Variants in PPP1R14A observed in about 807,000 individuals in gnomAD.
The protein encoded by PPP1R14A is protein phosphatase 1 regulatory inhibitor subunit 14A.
Under a neutral mutation model 14.1 loss-of-function variants are expected in PPP1R14A, and 9 were observed. That is an observed-to-expected ratio of 0.64 (90% CI 0.38 to 1.11). PPP1R14A has a LOEUF of 1.11. Ranked by LOEUF, PPP1R14A falls within the 50% of genes most tolerant of loss-of-function variation. The probability of loss-of-function intolerance (pLI) is 0.01; values close to 1 mark genes in which losing one functional copy is unlikely to be tolerated. For missense variants in PPP1R14A, 208 were observed against 200.7 expected (o/e 1.04, Z -0.22); for synonymous variants, 93 against 88.7 (o/e 1.05, Z -0.27).
rs1242214352 is a variant in PPP1R14A, at chr19:38,256,194, C to A, written c.146G>T (p.Arg49Leu). ...VKYDRRELQR[R>L]LDVEKWIDGR... ...GTCGATCCACTTCTCCACGTCCAGC[C>A]GCCGCTGCAGCTCCCGCCGGTCATA... Residue 49 changes from arginine to leucine, a missense_variant, in exon 1 of 4, where the codon CGG becomes CTG. Coordinates refer to ENST00000301242, the MANE Select transcript of PPP1R14A (RefSeq NM_033256.3). This position sits in a 1 kb window ranked among gnomAD's most constrained non-coding sequence, Gnocchi z 5.7. 8.4e-6 allele frequency: 13 copies of A among 1,549,426 alleles called. No individual in the cohort carries two copies. Among genetic ancestry groups the A allele is most frequent in the Non-Finnish European group, 1.1e-5 (13 of 1,151,422 alleles).
At chr19:38,254,465 C>T (rs762492130) in intron 1 of PPP1R14A, among the ~76,000 whole-genome samples, 6 of 151,856 alleles carry the variant, frequency 4.0e-5, no homozygotes, top group Admixed American at 6.6e-5. Context: ...CCACCATGCC[C>T]GGCTAATTTT....
chr19:38,254,675 T>C (rs117600913), intron 1 of PPP1R14A, among the ~76,000 whole-genome samples: 3,788 of 152,198 alleles, frequency 0.025, 62 homozygotes, highest in Non-Finnish European at 0.035. Context: ...GAAACTCAAG[T>C]GATGAAGTAC....
chr19:38,254,512 C>G (rs953584836), intron 1 of PPP1R14A, among the ~76,000 whole-genome samples: 1 of 152,016 alleles, frequency 6.6e-6, no homozygotes, highest in Non-Finnish European at 1.5e-5. Context: ...ACCATGTTGG[C>G]CAGGCTAGTC....
rs545432774 is a variant in PPP1R14A at position 38,256,145 on chromosome 19, G to C, written c.195C>G (p.Arg65=). 227 of 1,544,590 alleles carry C rather than the reference G, an allele frequency of 1.5e-4. 1 individual carries two copies. Among genetic ancestry groups the C allele is most frequent in the Non-Finnish European group, 7.8e-5 (90 of 1,150,402 alleles). Residue 65 remains arginine (R), a synonymous_variant, in exon 1 of 4, where the codon CGC becomes CGG. Transcript: ENST00000301242. The surrounding 1 kb of genome is among the most constrained non-coding windows in gnomAD (Gnocchi z 5.7). Reference sequence around the variant, plus strand: ...GAGCCCTCCCCGGGCTCACCATGCCGCGGTACAGCTCCTCCAGGCGCCCGT... The same window carrying C: ...GAGCCCTCCCCGGGCTCACCATGCCCCGGTACAGCTCCTCCAGGCGCCCGT... The part of the protein sequence containing the change: ...WIDGRLEELY[R]GMEADMPDEI...
rs1316211840 is a variant in PPP1R14A at position 38,252,461 on chromosome 19, A to G, written c.283-123T>C. On this transcript the variant is annotated intron_variant, in intron 2 of 3. Coordinates refer to ENST00000301242, the MANE Select transcript of PPP1R14A (RefSeq NM_033256.3). The surrounding 1 kb of genome is among the most constrained non-coding windows in gnomAD (Gnocchi z 4.1). ...AAATGGAAGTCAGACTCCAGGGTGG[A>G]CTGCCCACCAAGCTTCAAGAGAGGA... 2.1e-6 allele frequency: 2 copies of G among 959,536 alleles called. No homozygotes were observed. Among genetic ancestry groups the G allele is most frequent in the East Asian group, 2.6e-5 (1 of 38,568 alleles). The allele number at this position is 959,536 out of a possible 1,614,324, so 59.4% of individuals were successfully genotyped here.
Position 38,256,120 on chromosome 19 carries a change from G to C in PPP1R14A, c.201+19C>G, listed in dbSNP as rs1195859785. The C allele has an allele frequency of 6.5e-7, 1 of 1,532,962 alleles. No homozygotes were observed. Among genetic ancestry groups the C allele is most frequent in the East Asian group, 2.5e-5 (1 of 40,494 alleles). 95.0% of individuals were successfully genotyped at this position (1,532,962 alleles called of 1,614,324 possible). A position where few individuals can be genotyped will look rare whatever the true frequency, so the allele number is the denominator to read the frequency against. ...GCTCTATCTGTCCCCGACCACCCCC[G>C]AGCCCTCCCCGGGCTCACCATGCCG... On this transcript the variant is annotated intron_variant, in intron 1 of 3. Coordinates refer to ENST00000301242, the MANE Select transcript of PPP1R14A (RefSeq NM_033256.3). This position sits in a 1 kb window ranked among gnomAD's most constrained non-coding sequence, Gnocchi z 5.7.
intron 1 of PPP1R14A, chr19:38,253,258 T>C: frequency 2.6e-6 from 1 of 379,686 alleles, no homozygotes; most frequent in Non-Finnish European, 4.8e-6. Context: ...TTGGCTCTAG[T>C]TCCCACAGAG....
Position 38,252,795 on chromosome 19 carries a change from GC to G in PPP1R14A, c.282+98del. The G allele has an allele frequency of 1.1e-6, 1 of 893,656 alleles. No homozygotes were observed. The highest frequency in any genetic ancestry group is 1.9e-6 in the Non-Finnish European group (1 of 532,710). 55.4% of individuals were successfully genotyped at this position (893,656 alleles called of 1,614,324 possible). A position where few individuals can be genotyped will look rare whatever the true frequency, so the allele number is the denominator to read the frequency against. On this transcript the variant is annotated intron_variant, in intron 2 of 3. Coordinates refer to ENST00000301242, the MANE Select transcript of PPP1R14A (RefSeq NM_033256.3). This position sits in a 1 kb window ranked among gnomAD's most constrained non-coding sequence, Gnocchi z 4.1. ...ATACATGTAAAGCCATCACACCAGT[GC>G]CCGGCATCTAGTGAGCACTCAGTAA...
Position 38,252,432 on chromosome 19 carries a change from A to C in PPP1R14A, c.283-94T>G. ...CCTTTCCCAAAAGGCCCCAGCAGCA[A>C]GACAAATGGAAGTCAGACTCCAGGG... On this transcript the variant is annotated intron_variant, in intron 2 of 3. Transcript: ENST00000301242. This position sits in a 1 kb window ranked among gnomAD's most constrained non-coding sequence, Gnocchi z 4.1. 5.5e-6 allele frequency: 7 copies of C among 1,277,454 alleles called. No homozygotes were observed. The highest frequency in any genetic ancestry group is 7.8e-6 in the Non-Finnish European group (7 of 897,618). The allele number at this position is 1,277,454 out of a possible 1,614,324, so 79.1% of individuals were successfully genotyped here.
intron 1 of PPP1R14A, among the ~76,000 whole-genome samples, chr19:38,254,815 C>A (rs866032545): frequency 6.6e-6 from 1 of 152,000 alleles, no homozygotes; most frequent in Non-Finnish European, 1.5e-5. Flanking sequence ...GTTTTTGAGA[C>A]GGAGTTTCGC....
chr19:38,255,992 G>A (rs1968243461), intron 1 of PPP1R14A, 147 bp downstream of exon 1: 2 of 685,072 alleles, frequency 2.9e-6, no homozygotes, highest in Admixed American at 3.2e-5. Flanking sequence ...CCAGGCCAAT[G>A]AGTGCCCGGC....
chr19:38,256,230 A>G lies in PPP1R14A; in HGVS notation c.110T>C (p.Val37Ala). ...CTCCCGCCGGTCATACTTGACGGTGACGCGCGCGTGCCGCTTCTGCAGCCC... is the reference window on the plus strand; with the variant it reads ...CTCCCGCCGGTCATACTTGACGGTGGCGCGCGCGTGCCGCTTCTGCAGCCC... ...PGGLQKRHAR[V>A]TVKYDRRELQ... The change falls in exon 1 of 4, where the codon GTC (valine) becomes GCC (alanine). Residue 37 changes from valine to alanine, a missense_variant. By Grantham distance (64) the Val-to-Ala change is moderately conservative (BLOSUM62 0). Coordinates refer to ENST00000301242, the MANE Select transcript of PPP1R14A (RefSeq NM_033256.3). The surrounding 1 kb of genome is among the most constrained non-coding windows in gnomAD (Gnocchi z 5.7). 1 of 1,553,150 alleles carries G rather than the reference A, an allele frequency of 6.4e-7. No homozygotes were observed. The highest frequency in any genetic ancestry group is 2.4e-5 in the East Asian group (1 of 41,844).
Position 38,251,386 on chromosome 19 carries a change from G to T in PPP1R14A, c.376C>A (p.Gln126Lys). ...CTGCCGTCGTGGGAGGGGCTTGGCTGGCGGAGGCCGGGCTGCCTGTGGAGG... is the reference window on the plus strand; with the variant it reads ...CTGCCGTCGTGGGAGGGGCTTGGCTTGCGGAGGCCGGGCTGCCTGTGGAGG... Reference protein sequence around the residue: ...QGLHRQPGLRQPSPSHDGSLS... With the variant: ...QGLHRQPGLRKPSPSHDGSLS... The change falls in exon 4 of 4, where the codon CAG (glutamine) becomes AAG (lysine). Residue 126 changes from glutamine (Q) to lysine (K), a missense_variant. Transcript: ENST00000301242. 6.4e-7 allele frequency: 1 copy of T among 1,560,974 alleles called. No homozygotes were observed. The highest frequency in any genetic ancestry group is 8.6e-7 in the Non-Finnish European group (1 of 1,162,304).
intron 1 of PPP1R14A, among the ~76,000 whole-genome samples, chr19:38,255,820 A>C (rs1600319829): frequency 2.8e-5 from 4 of 143,806 alleles, no homozygotes; most frequent in African/African-American, 5.2e-5. Context: ...CCCTTCCCCC[A>C]CTCTTTCTCC....
rs1181680972 is a variant in PPP1R14A at position 38,252,944 on chromosome 19, C to T, written c.232G>A (p.Asp78Asn). ...EADMPDEINI[D>N]ELLELESEEE... ...TCACTCTCTAACTCCAACAATTCAT[C>T]AATGTTGATCTCATCGGGCATGTCT... Residue 78 changes from aspartate (D) to asparagine (N), a missense_variant, in exon 2 of 4, where the codon GAT (aspartate) becomes AAT (asparagine). Asp to Asn is a conservative substitution (Grantham distance 23, BLOSUM62 1). Transcript: ENST00000301242. This position sits in a 1 kb window ranked among gnomAD's most constrained non-coding sequence, Gnocchi z 4.1. 6.2e-7 allele frequency: 1 copy of T among 1,614,048 alleles called. No individual in the cohort carries two copies. Among genetic ancestry groups the T allele is most frequent in the East Asian group, 2.2e-5 (1 of 44,860 alleles).
At chr19:38,251,816 T>A in intron 3 of PPP1R14A, 1 of 355,862 alleles carries the variant, frequency 2.8e-6, no homozygotes, top group Non-Finnish European at 5.1e-6. Context: ...CAGAGATAGA[T>A]CCAGGGCGAA....
chr19:38,256,101 T>C lies in PPP1R14A; in HGVS notation c.201+38A>G. 1 of 1,510,688 alleles carries C rather than the reference T, an allele frequency of 6.6e-7. No individual in the cohort carries two copies. Among genetic ancestry groups the C allele is most frequent in the Non-Finnish European group, 8.8e-7 (1 of 1,131,814 alleles). 93.6% of individuals were successfully genotyped at this position (1,510,688 alleles called of 1,614,324 possible). ...GTGGGGTCTCCGCGCCCGGGCTCTATCTGTCCCCGACCACCCCCGAGCCCT... is the reference window on the plus strand; with the variant it reads ...GTGGGGTCTCCGCGCCCGGGCTCTACCTGTCCCCGACCACCCCCGAGCCCT... On this transcript the variant is annotated intron_variant, in intron 1 of 3. Transcript: ENST00000301242. The surrounding 1 kb of genome is among the most constrained non-coding windows in gnomAD (Gnocchi z 5.7).
At chr19:38,253,144 G>A in intron 1 of PPP1R14A, 170 bp from the exon 2 acceptor site, 1 of 602,256 alleles carries the variant, frequency 1.7e-6, no homozygotes, top group African/African-American at 1.9e-5. Flanking sequence ...GGTGTTGGGG[G>A]GGAGGGGTGA....
At chr19:38,255,944 G>A (rs557049484) in intron 1 of PPP1R14A, among the ~76,000 whole-genome samples, 195 bp downstream of exon 1, 1 of 151,984 alleles carries the variant, frequency 6.6e-6, no homozygotes, top group African/African-American at 2.4e-5. Flanking sequence ...TGTTGCTCTC[G>A]GTGTGTCCAC....
Sources: gnomAD v4.1 joint callset for allele counts (sites outside exome capture counted in the v4.1 genomes callset) on GRCh38, gnomAD v4.1.1 for gene constraint, Gnocchi (gnomAD v3.1) non-coding constraint, MANE v1.5 for transcripts, NCBI Gene and HGNC (gene_info 2026-07-23, HGNC 2026-07-21) for gene names.